The following ZNF280C variants were observed in gnomAD, a reference collection of about 807,000 sequenced individuals.
ZNF280C encodes the protein suppressor of hairy wing homolog 3.
A neutral mutation model predicts 53.6 loss-of-function variants in ZNF280C; 14 were observed. The ratio of observed to expected loss-of-function variants is 0.26; its 90% CI spans 0.17 to 0.41. The LOEUF (loss-of-function observed/expected upper bound fraction) is 0.41. ZNF280C is among the 10% of genes least tolerant of loss of function. ZNF280C has a pLI of 1.00. For missense variants in ZNF280C, 416 were observed against 547.1 expected, an observed-to-expected ratio of 0.76 and a Z score of 2.39; for synonymous variants, 203 against 181.1, an observed-to-expected ratio of 1.12 and a Z score of -0.97.
rs985373767 is a variant in ZNF280C at position 130,205,223 on chromosome X, G to A, written c.2162-70C>T. ...GTGAGACTATCAATTTAATACATGG[G>A]TCCATATGGTGTCCGATCAAAAGTA... On this transcript the variant is annotated intron_variant, in intron 17 of 18. Coordinates refer to ENST00000370978, the MANE Select transcript of ZNF280C (RefSeq NM_017666.5). 7.4e-6 allele frequency: 8 copies of A among 1,086,706 alleles called. No individual in the cohort carries two copies. The African/African-American group carries it at 1.3e-4, about 18-fold the overall frequency. The allele number at this position is 1,086,706 out of a possible 1,213,427, so 89.6% of individuals were successfully genotyped here.
In ZNF280C at chrX:130,230,559, T is replaced by G. The variant is rs754518389; in HGVS notation, c.940A>C (p.Thr314Pro). 1.7e-6 allele frequency: 2 copies of G among 1,210,064 alleles called. No homozygotes were observed. The highest frequency in any genetic ancestry group is 4.4e-5 in the Admixed American group (2 of 45,962). Residue 314 changes from threonine (T) to proline (P), a missense_variant, in exon 9 of 19, where the codon ACA becomes CCA. Transcript: ENST00000370978. ...GAGCAACTGAAGCATTTAAAGGTTG[T>G]GTAAGTCTTTGGCTCTTTCTCAGTG... ...GVTEKEPKTY[T>P]TFKCFSCSKV...
At chrX:130,238,972 T>C (rs1210926098) in intron 6 of ZNF280C, among the ~76,000 whole-genome samples, 1 of 111,600 alleles carries the variant, frequency 9.0e-6, no homozygotes, top group African/African-American at 3.2e-5. Flanking sequence ...ATTGGCATAC[T>C]ATTTTAGGTT....
At chrX:130,256,132 CA>C (rs200107686) in intron 2 of ZNF280C, among the ~76,000 whole-genome samples, 4 of 106,819 alleles carry the variant, frequency 3.7e-5, no homozygotes, top group Admixed American at 3.0e-4. Flanking sequence ...GGCTTATCTC[CA>C]AAAAAAAATA....
chrX:130,242,351 GTTAAGTATTATCA>G (rs1379301744), intron 5 of ZNF280C, among the ~76,000 whole-genome samples: 3 of 111,841 alleles, frequency 2.7e-5, no homozygotes, highest in African/African-American at 9.8e-5. Flanking sequence ...GCCAGTAAAT[GTTAAGTATTATCA>G]TTATCTATTA....
At position 130,202,716 on chromosome X, in the gene ZNF280C, T is replaced by C. The variant is rs1238800030; in HGVS notation, c.*2261A>G. On this transcript the variant is annotated 3_prime_UTR_variant, in exon 19 of 19. Transcript: ENST00000370978. ...TCCTATAGTTATATGATAGCTTTTATATGAAGTTATTTATTAGAAATTTCC... is the reference window on the plus strand; with the variant it reads ...TCCTATAGTTATATGATAGCTTTTACATGAAGTTATTTATTAGAAATTTCC... 9.0e-6 allele frequency: 1 copy of C among 111,358 alleles called. No homozygotes were observed. The highest frequency in any genetic ancestry group is 2.8e-4 in the East Asian group (1 of 3,589). 9.2% of individuals were successfully genotyped at this position (111,358 alleles called of 1,213,427 possible).
intron 1 of ZNF280C, among the ~76,000 whole-genome samples, chrX:130,263,935 G>A (rs1164336471): frequency 9.5e-6 from 1 of 105,194 alleles, no homozygotes; most frequent in Non-Finnish European, 1.9e-5. Flanking sequence ...TGAGGCAGGA[G>A]AATAGCTTGA....
intron 1 of ZNF280C, among the ~76,000 whole-genome samples, chrX:130,268,286 G>GT (rs1405819071): frequency 1.8e-5 from 2 of 111,404 alleles, no homozygotes; most frequent in South Asian, 3.9e-4. Context: ...GAAAGAAGGG[G>GT]TCACAGGGTC....
intron 8 of ZNF280C, among the ~76,000 whole-genome samples, chrX:130,231,749 G>A (rs1192994307): frequency 9.0e-6 from 1 of 111,564 alleles, no homozygotes; most frequent in Non-Finnish European, 1.9e-5. Context: ...AGCTTAGGCT[G>A]GGTGTGGTGG....
At chrX:130,249,276 C>T (rs763135741) in intron 2 of ZNF280C, among the ~76,000 whole-genome samples, 4 of 112,168 alleles carry the variant, frequency 3.6e-5, no homozygotes, top group Non-Finnish European at 5.6e-5. Flanking sequence ...TCTGCGAAAG[C>T]CCACGCAGAA....
chrX:130,209,516 T>C (rs1223590157), intron 16 of ZNF280C, 137 bp downstream of exon 16: 4 of 519,256 alleles, frequency 7.7e-6, no homozygotes, highest in East Asian at 3.6e-5. Context: ...TCAGAGATGA[T>C]AGGCTATCCC....
At chrX:130,206,131 G>A (rs765163206) in intron 16 of ZNF280C, among the ~76,000 whole-genome samples, 81 of 109,819 alleles carry the variant, frequency 7.4e-4, no homozygotes, top group Non-Finnish European at 1.3e-3. Context: ...TGTACTACTA[G>A]GTATTGTAGA....
intron 1 of ZNF280C, among the ~76,000 whole-genome samples, chrX:130,266,930 A>C (rs920783666): frequency 2.1e-4 from 23 of 111,048 alleles, no homozygotes; most frequent in African/African-American, 7.6e-4. Flanking sequence ...GTGAAACCCC[A>C]TCTCTACTAA....
chrX:130,229,368 G>A (rs111814395), intron 9 of ZNF280C, among the ~76,000 whole-genome samples: 10 of 111,811 alleles, frequency 8.9e-5, no homozygotes, highest in African/African-American at 2.9e-4. Context: ...GTAGTAGTAT[G>A]AAACATCACT....
At chrX:130,241,727 A>G (rs513741) in intron 5 of ZNF280C, among the ~76,000 whole-genome samples, 59,413 of 110,723 alleles carry the variant, frequency 0.54, 12,915 homozygotes, top group African/African-American at 0.83. Context: ...TCATGCTACT[A>G]CATTCCAGAG....
At chrX:130,219,133 T>A (rs1193547763) in intron 13 of ZNF280C, among the ~76,000 whole-genome samples, 3 of 111,915 alleles carry the variant, frequency 2.7e-5, no homozygotes, top group Non-Finnish European at 5.6e-5. Flanking sequence ...TTAGGGATTA[T>A]CTCACCTTGG....
intron 1 of ZNF280C, among the ~76,000 whole-genome samples, chrX:130,266,826 G>T (rs1464775843): frequency 5.4e-5 from 6 of 111,712 alleles, no homozygotes; most frequent in African/African-American, 2.0e-4. Flanking sequence ...AGGAAGGCTG[G>T]GCATGGAGGC....
rs760359028 is a variant in ZNF280C, at chrX:130,231,301, A to C, written c.772-574T>G. On this transcript the variant is annotated intron_variant, in intron 8 of 18. Coordinates refer to ENST00000370978, the MANE Select transcript of ZNF280C (RefSeq NM_017666.5). ...ACTATTCACAATAGCGAAGACATGG[A>C]ATCAACCTAGGTGCCCATCAACAGT... is the stretch of plus-strand genomic sequence containing the variant. Among the ~76,000 whole-genome samples, 265 of 112,032 alleles carry C rather than the reference A, an allele frequency of 2.4e-3. 1 individual carries two copies. Among genetic ancestry groups the C allele is most frequent in the Non-Finnish European group, 3.7e-3 (195 of 53,178 alleles).
In ZNF280C at chrX:130,215,795, T is replaced by C. The variant is rs748793063; in HGVS notation, c.1834A>G (p.Ile612Val). ...ATCAGGAATAAAAGATATTACCTTA[T>C]GTTCTTCAAAGCAAGGCTCATTTTA... ...KNKMSLALKN[I>V]RCRRGIHKCI... Residue 612 changes from isoleucine (I) to valine (V), a missense_variant, in exon 14 of 19, where the codon ATA becomes GTA. Physicochemically the swap from Ile to Val is conservative, Grantham distance 29 (BLOSUM62 3). This residue lies in a region of ZNF280C where 151 missense variants were observed against 176.9 expected (regional missense o/e 0.85). Coordinates refer to ENST00000370978, the MANE Select transcript of ZNF280C (RefSeq NM_017666.5). The C allele has an allele frequency of 1.1e-5, 13 of 1,198,590 alleles. No homozygotes were observed. The South Asian group carries it at 2.4e-4, about 22-fold the overall frequency.
intron 5 of ZNF280C, among the ~76,000 whole-genome samples, chrX:130,242,728 G>A (rs1224861610): frequency 8.9e-6 from 1 of 111,791 alleles, no homozygotes; most frequent in African/African-American, 3.3e-5. Context: ...TTTTAGTAGA[G>A]ACGGGGTTTC....
Sources: allele counts gnomAD v4.1 joint callset (sites outside exome capture counted in the v4.1 genomes callset), GRCh38; gene constraint gnomAD v4.1.1; regional missense constraint gnomAD v4.1.1; transcripts MANE v1.5; gene names NCBI Gene and HGNC (gene_info 2026-07-23, HGNC 2026-07-21).